The following ESR1 variants were observed in gnomAD, a reference collection of about 807,000 sequenced individuals.
ESR1 encodes the protein estrogen receptor.
In ESR1, 12 loss-of-function variants were observed where a neutral mutation model predicts 52.7. The observed-to-expected ratio is 0.23, with a 90% CI of 0.15 to 0.37. The LOEUF (loss-of-function observed/expected upper bound fraction) is 0.37, where lower values mean the gene tolerates loss of function less well. Among genes scored for constraint, ESR1 ranks in the 10% least tolerant of loss-of-function variants. ESR1 has a pLI of 1.00. For synonymous variants in ESR1, 305 were observed against 316.8 expected, an observed-to-expected ratio of 0.96 and a Z score of 0.39; for missense variants, 584 against 779.7, an observed-to-expected ratio of 0.75 and a Z score of 2.99.
intron 3 of ESR1, among the ~76,000 whole-genome samples, chr6:151,892,949 G>A (rs1794907102): frequency 6.6e-6 from 1 of 152,232 alleles, no homozygotes; most frequent in Non-Finnish European, 1.5e-5. Flanking sequence ...AGCACTTTGG[G>A]AGGCCGAGCT....
intron 2 of ESR1, among the ~76,000 whole-genome samples, chr6:151,867,414 TACACACACAC>T (rs34943625): frequency 9.4e-4 from 139 of 147,562 alleles, no homozygotes; most frequent in African/African-American, 3.2e-3. Flanking sequence ...TCAACAAATT[TACACACACAC>T]ACACACACAC....
At chr6:151,790,304 GC>G (rs1787409835) in intron 2 of ESR1, among the ~76,000 whole-genome samples, 1 of 152,166 alleles carries the variant, frequency 6.6e-6, no homozygotes, top group South Asian at 2.1e-4. Context: ...TTTCTTGCGT[GC>G]CACCAAAGTG....
chr6:152,002,222 G>GTGTGTGTGTGTGTGTGTGT (rs1562654907), intron 4 of ESR1, among the ~76,000 whole-genome samples: 1 of 148,636 alleles, frequency 6.7e-6, no homozygotes, highest in African/African-American at 2.5e-5. Flanking sequence ...GTGTGTGTGT[G>GTGTGTGTGTGTGTGTGTGT]GAATATCTCA....
chr6:151,825,821 G>T (rs767417211), intron 1 of ESR1, among the ~76,000 whole-genome samples: 1 of 141,216 alleles, frequency 7.1e-6, no homozygotes, highest in Non-Finnish European at 1.5e-5. Flanking sequence ...TGAGACAGGA[G>T]AATCACTTGG....
chr6:151,702,690 T>A (rs1460950421), intron 2 of ESR1, among the ~76,000 whole-genome samples: 3 of 152,216 alleles, frequency 2.0e-5, no homozygotes, highest in African/African-American at 7.2e-5. Flanking sequence ...GTATTTGTGG[T>A]CACCAAGTAA....
upstream of ESR1, among the ~76,000 whole-genome samples, chr6:151,688,476 C>G (rs570829175): frequency 6.6e-6 from 1 of 152,250 alleles, no homozygotes; most frequent in South Asian, 2.1e-4. Flanking sequence ...TTTAGTAGTA[C>G]TTACCTCACT....
chr6:151,844,596 G>A (rs1377651186), intron 2 of ESR1, among the ~76,000 whole-genome samples: 2 of 152,206 alleles, frequency 1.3e-5, no homozygotes, highest in African/African-American at 2.4e-5. Context: ...GTAAACACAT[G>A]GAAGTGATTA....
intron 5 of ESR1, among the ~76,000 whole-genome samples, chr6:152,039,194 C>T (rs536094768): frequency 2.0e-5 from 3 of 152,250 alleles, no homozygotes; most frequent in Admixed American, 2.0e-4. Flanking sequence ...GGTTCTTTAC[C>T]TGGTGGAGTG....
chr6:151,766,529 C>A (rs912288518), intron 2 of ESR1, among the ~76,000 whole-genome samples: 2 of 151,928 alleles, frequency 1.3e-5, no homozygotes, highest in East Asian at 1.9e-4. Context: ...AAAAATCACA[C>A]GCCTCTTTTT....
chr6:151,963,244 C>T (rs1029680232), intron 4 of ESR1, among the ~76,000 whole-genome samples: 7 of 152,166 alleles, frequency 4.6e-5, no homozygotes, highest in African/African-American at 1.2e-4. Context: ...AATGAGCTTC[C>T]GTGCAATGTT....
chr6:151,910,087 A>G lies in ESR1; in HGVS notation c.760+29316A>G, dbSNP rs1371090117. 2.0e-5 allele frequency among the ~76,000 whole-genome samples: 3 copies of G among 151,580 alleles called. No homozygotes were observed. In the East Asian group the frequency reaches 5.8e-4, roughly 29 times the overall value. On this transcript the variant is annotated intron_variant, in intron 3 of 7. Coordinates refer to ENST00000206249, the MANE Select transcript of ESR1 (RefSeq NM_000125.4). ...TTATCTCTGACATAGTTCCAGAAGGATATACTATGTATCTAGTGTGACACT... is the reference window on the plus strand; with the variant it reads ...TTATCTCTGACATAGTTCCAGAAGGGTATACTATGTATCTAGTGTGACACT...
intron 1 of ESR1, among the ~76,000 whole-genome samples, chr6:151,672,973 C>A (rs1412318749): frequency 4.0e-5 from 6 of 151,714 alleles, no homozygotes; most frequent in Non-Finnish European, 1.5e-5. Flanking sequence ...GGACTACAGG[C>A]CCCCGCCACC....
intron 1 of ESR1, among the ~76,000 whole-genome samples, chr6:151,683,864 ATTTTTTTT>A (rs66983259): frequency 8.4e-6 from 1 of 118,452 alleles, no homozygotes; most frequent in Non-Finnish European, 1.7e-5. Context: ...ACGTCTGGCT[ATTTTTTTT>A]TTTTTTTTTT....
chr6:152,011,966 A>G (rs146242908), intron 5 of ESR1, among the ~76,000 whole-genome samples, 172 bp downstream of exon 5: 320 of 151,396 alleles, frequency 2.1e-3, no homozygotes, highest in African/African-American at 7.4e-3. Flanking sequence ...ACAGAAAGCT[A>G]AGGATAACTT....
intron 4 of ESR1, among the ~76,000 whole-genome samples, chr6:151,959,827 G>A (rs1011906425): frequency 4.6e-5 from 7 of 152,224 alleles, no homozygotes. Context: ...ACTAACATTT[G>A]TCCTGTCAGA....
intron 6 of ESR1, among the ~76,000 whole-genome samples, chr6:152,114,674 G>A (rs367723844): frequency 6.6e-6 from 1 of 151,602 alleles, no homozygotes; most frequent in Non-Finnish European, 1.5e-5. Flanking sequence ...GGCGGATCAC[G>A]AGGTCAGGAG....
At chr6:151,776,229 T>C (rs1785978313) in intron 2 of ESR1, among the ~76,000 whole-genome samples, 2 of 152,068 alleles carry the variant, frequency 1.3e-5, no homozygotes, top group African/African-American at 4.8e-5. Context: ...ACATAGTGCC[T>C]GGGTGGAAAG....
intron 3 of ESR1, among the ~76,000 whole-genome samples, chr6:151,899,794 C>A (rs373974739): frequency 2.0e-5 from 3 of 147,342 alleles, no homozygotes; most frequent in Non-Finnish European, 4.5e-5. Flanking sequence ...ACATCTCAGA[C>A]GATGGGCGGC....
Position 151,807,848 on chromosome 6 carries a change from C to T in ESR1, c.-65C>T. On this transcript the variant is annotated 5_prime_UTR_variant, in exon 1 of 8. Transcript: ENST00000206249. ...GGGCTGTGCTCTTTTTCCAGGTGGC[C>T]CGCCGGTTTCTGAGCCTTCTGCCCT... 1 of 1,451,794 alleles carries T rather than the reference C, an allele frequency of 6.9e-7. No individual in the cohort carries two copies. Among genetic ancestry groups the T allele is most frequent in the Non-Finnish European group, 9.6e-7 (1 of 1,045,012 alleles). 89.9% of individuals were successfully genotyped at this position (1,451,794 alleles called of 1,614,324 possible). A position where few individuals can be genotyped will look rare whatever the true frequency, so the allele number is the denominator to read the frequency against.
Sources: gnomAD v4.1 joint callset for allele counts (sites outside exome capture counted in the v4.1 genomes callset) on GRCh38, gnomAD v4.1.1 for gene constraint, MANE v1.5 for transcripts, NCBI Gene and HGNC (gene_info 2026-07-23, HGNC 2026-07-21) for gene names.